MYOF: variants seen among roughly 807,000 people sequenced by gnomAD.
MYOF encodes the protein myoferlin.
A neutral mutation model predicts 284.2 loss-of-function variants in MYOF; 244 were observed. The observed-to-expected ratio is 0.86, with a 90% CI of 0.77 to 0.95. The LOEUF is 0.95. Among genes scored for constraint, MYOF ranks in the 40% least tolerant of loss-of-function variants. MYOF has a pLI of 0.00. For missense variants in MYOF, 2,496 were observed against 2,560.6 expected, an observed-to-expected ratio of 0.97 and a Z score of 0.54; for synonymous variants, 904 against 919.7, an observed-to-expected ratio of 0.98 and a Z score of 0.31.
chr10:93,307,809 G>C (rs957264366), intron 53 of MYOF, among the ~76,000 whole-genome samples: 1 of 150,306 alleles, frequency 6.7e-6, no homozygotes, highest in Non-Finnish European at 1.5e-5. Flanking sequence ...ATTTTTAGTA[G>C]AGACAGGGTT....
intron 1 of MYOF, among the ~76,000 whole-genome samples, chr10:93,471,439 G>T (rs1255310828): frequency 1.3e-5 from 2 of 152,116 alleles, no homozygotes; most frequent in Non-Finnish European, 2.9e-5. Context: ...GTTTATGTGA[G>T]TTGGTTGTGT....
intron 3 of MYOF, among the ~76,000 whole-genome samples, chr10:93,435,312 C>T (rs1361281900): frequency 6.6e-6 from 1 of 152,168 alleles, no homozygotes; most frequent in Non-Finnish European, 1.5e-5. Context: ...GGGGTTGGAC[C>T]AGCGTGTCTC....
intron 1 of MYOF, among the ~76,000 whole-genome samples, chr10:93,460,129 C>T (rs2056839687): frequency 1.3e-5 from 2 of 152,186 alleles, no homozygotes; most frequent in African/African-American, 4.8e-5. Flanking sequence ...TTCCAGTCTC[C>T]AAGTCCCCAA....
chr10:93,309,195 T>G lies in MYOF; in HGVS notation c.6147+825A>C, dbSNP rs1842274323. Among the ~76,000 whole-genome samples, 3 of 152,180 alleles carry G rather than the reference T, an allele frequency of 2.0e-5. No homozygotes were observed. In the South Asian group the frequency reaches 6.2e-4, roughly 31 times the overall value. ...GCAGGGGGTGCCCACGGTTGTTTGT[T>G]TCTGTCTCCATAACAGCTCACCTCC... On this transcript the variant is annotated intron_variant, in intron 53 of 53. Coordinates refer to ENST00000359263, the MANE Select transcript of MYOF (RefSeq NM_013451.4).
intron 1 of MYOF, among the ~76,000 whole-genome samples, chr10:93,457,798 A>G (rs2056779158): frequency 6.7e-6 from 1 of 148,156 alleles, no homozygotes; most frequent in Admixed American, 6.8e-5. Flanking sequence ...TAGTGGCACT[A>G]TTTCGGCTCA....
intron 53 of MYOF, 53 bp downstream of exon 53, chr10:93,309,967 C>A (rs1005654274): frequency 1.1e-5 from 17 of 1,608,578 alleles, no homozygotes; most frequent in African/African-American, 6.7e-5. Context: ...AGGGAGAGGA[C>A]CAACTGCAAC....
intron 44 of MYOF, 38 bp from the exon 45 acceptor site, chr10:93,328,949 G>C (rs759111184): frequency 1.3e-5 from 21 of 1,564,930 alleles, no homozygotes; most frequent in Non-Finnish European, 1.8e-5. Context: ...TTACGGAGGA[G>C]CCTGCAGGTT....
chr10:93,348,948 C>T (rs571124613), intron 36 of MYOF, among the ~76,000 whole-genome samples: 2 of 152,108 alleles, frequency 1.3e-5, no homozygotes, highest in South Asian at 4.2e-4. Context: ...AAATCATTTC[C>T]CCTCTTTAGG....
intron 53 of MYOF, among the ~76,000 whole-genome samples, chr10:93,308,831 C>T (rs887785616): frequency 1.3e-5 from 2 of 152,156 alleles, no homozygotes; most frequent in Non-Finnish European, 2.9e-5. Context: ...CCTATCTTAG[C>T]ATCCCTAGTA....
chr10:93,436,266 A>G (rs1360894174), intron 3 of MYOF, among the ~76,000 whole-genome samples: 1 of 152,192 alleles, frequency 6.6e-6, no homozygotes, highest in Non-Finnish European at 1.5e-5. Flanking sequence ...TGACCCAATC[A>G]GTATCCGCTA....
chr10:93,381,650 C>T (rs75448089), intron 19 of MYOF, among the ~76,000 whole-genome samples: 3,007 of 152,216 alleles, frequency 0.02, 109 homozygotes, highest in African/African-American at 0.068. Context: ...TTCAGTAGAC[C>T]ACTTGTTAAA....
Position 93,336,057 on chromosome 10 carries a change from C to T in MYOF, c.4438-11G>A. Reference sequence around the variant, plus strand: ...TTCACAATTATATATCTGAAAACCACCAACAGAGTCTTAATTTCTCATTAA... The same window carrying T: ...TTCACAATTATATATCTGAAAACCATCAACAGAGTCTTAATTTCTCATTAA... On this transcript the variant is annotated splice_polypyrimidine_tract_variant and intron_variant, in intron 40 of 53. Coordinates refer to ENST00000359263, the MANE Select transcript of MYOF (RefSeq NM_013451.4). 1 of 1,611,802 alleles carries T rather than the reference C, an allele frequency of 6.2e-7. No individual in the cohort carries two copies. The highest frequency in any genetic ancestry group is 8.5e-7 in the Non-Finnish European group (1 of 1,179,240).
chr10:93,334,227 G>C (rs74345604), intron 41 of MYOF, among the ~76,000 whole-genome samples: 1 of 152,030 alleles, frequency 6.6e-6, no homozygotes, highest in African/African-American at 2.4e-5. Flanking sequence ...TTGAAGATAG[G>C]AATAACAATA....
At chr10:93,456,060 T>C (rs1265935257) in intron 2 of MYOF, among the ~76,000 whole-genome samples, 4 of 152,250 alleles carry the variant, frequency 2.6e-5, no homozygotes, top group Non-Finnish European at 5.9e-5. Flanking sequence ...ATGTCTTCAG[T>C]AGAATATTGC....
chr10:93,433,038 T>A (rs1238421408), intron 3 of MYOF, among the ~76,000 whole-genome samples: 2 of 152,136 alleles, frequency 1.3e-5, no homozygotes, highest in African/African-American at 4.8e-5. Flanking sequence ...GAAACATGAA[T>A]GAGAGTAGGT....
chr10:93,392,399 T>G (rs1846741289), intron 17 of MYOF, among the ~76,000 whole-genome samples: 1 of 152,162 alleles, frequency 6.6e-6, no homozygotes, highest in Admixed American at 6.5e-5. Context: ...GATGGTCAAG[T>G]GTGTGACAGT....
chr10:93,431,419 G>A lies in MYOF; in HGVS notation c.334C>T (p.Gln112Ter), dbSNP rs759510849. ...GAGAAAACACTCACCCCAGTATCTT[G>A]CCCTTTTTCATTTAGCAGGGAGATC... The part of the protein sequence containing the change: ...KLISLLNEKG[Q>*]DTGATIDLVI... Residue 112 changes from glutamine to a stop codon, truncating the protein, a stop_gained, in exon 4 of 54, where the codon CAA becomes TAA. Transcript: ENST00000359263. LOFTEE classifies it high-confidence loss of function. The A allele has an allele frequency of 5.0e-6, 8 of 1,613,600 alleles. No homozygotes were observed. Among genetic ancestry groups the A allele is most frequent in the East Asian group, 2.2e-5 (1 of 44,852 alleles).
intron 36 of MYOF, among the ~76,000 whole-genome samples, chr10:93,348,134 C>T (rs532328064): frequency 6.6e-6 from 1 of 152,304 alleles, no homozygotes; most frequent in Admixed American, 6.5e-5. Context: ...CTGACCCATG[C>T]TCTTTACTCT....
chr10:93,341,882 G>A (rs995958975), intron 38 of MYOF: 7 of 1,284,378 alleles, frequency 5.5e-6, no homozygotes, highest in Middle Eastern at 4.3e-4. Context: ...ACAGTCCCAG[G>A]CAGCCTCATG....
Sources: gnomAD v4.1 joint callset for allele counts (sites outside exome capture counted in the v4.1 genomes callset) on GRCh38, gnomAD v4.1.1 for gene constraint, MANE v1.5 for transcripts, NCBI Gene and HGNC (gene_info 2026-07-23, HGNC 2026-07-21) for gene names.